NT5E: variants seen among roughly 807,000 people sequenced by gnomAD.
The protein encoded by NT5E is 5'-nucleotidase ecto.
A neutral mutation model predicts 55.1 loss-of-function variants in NT5E; 53 were observed. The observed-to-expected ratio is 0.96, with a 90% confidence interval of 0.77 to 1.21. The LOEUF (loss-of-function observed/expected upper bound fraction) is 1.21. Among genes scored for constraint, NT5E ranks in the 50% most tolerant of loss-of-function variants. The pLI, the probability that NT5E is intolerant of heterozygous loss-of-function variation, is 0.00. For synonymous variants in NT5E, 270 were observed against 278.4 expected (o/e 0.97, Z 0.30); for missense variants, 683 against 724.3 (o/e 0.94, Z 0.65).
At chr6:85,493,804 C>G in intron 8 of NT5E, 37 bp from the exon 9 acceptor site, 2 of 1,567,716 alleles carry the variant, frequency 1.3e-6, no homozygotes, top group Non-Finnish European at 1.8e-6. Flanking sequence ...TGATAATTAC[C>G]TTTTCTGTAG....
At chr6:85,487,726 G>C (rs1042970225) in intron 5 of NT5E, among the ~76,000 whole-genome samples, 2 of 152,232 alleles carry the variant, frequency 1.3e-5, no homozygotes, top group South Asian at 4.1e-4. Context: ...ACTCCAGCCT[G>C]GGCAAAAGAG....
chr6:85,451,833 A>C, intron 1 of NT5E, among the ~76,000 whole-genome samples: 1 of 152,212 alleles, frequency 6.6e-6, no homozygotes, highest in Middle Eastern at 3.2e-3. Flanking sequence ...ACAGGAAAAG[A>C]TGATAAGAGG....
At chr6:85,455,099 C>A (rs1236923795) in intron 1 of NT5E, among the ~76,000 whole-genome samples, 1 of 152,224 alleles carries the variant, frequency 6.6e-6, no homozygotes, top group East Asian at 1.9e-4. Context: ...CCATGGGCAG[C>A]CATGTGGTTT....
At chr6:85,481,775 T>C (rs116327455) in intron 3 of NT5E, among the ~76,000 whole-genome samples, 54 of 152,336 alleles carry the variant, frequency 3.5e-4, no homozygotes, top group African/African-American at 1.3e-3. Flanking sequence ...GGTTATGATA[T>C]TCATGTTAAA....
rs144851417 is a variant in NT5E at position 85,482,001 on chromosome 6, G to A, written c.752-3234G>A. Among the ~76,000 whole-genome samples, 246 of 152,228 alleles carry A rather than the reference G, an allele frequency of 1.6e-3. 3 individuals carry two copies. Among genetic ancestry groups the A allele is most frequent in the African/African-American group, 5.8e-3 (241 of 41,524 alleles). Reference sequence around the variant, plus strand: ...GTGTAGAGAAGTAGACAGATAAAAGGAGCATCCAAGGAGTGTACACTTCTA... The same window carrying A: ...GTGTAGAGAAGTAGACAGATAAAAGAAGCATCCAAGGAGTGTACACTTCTA... On this transcript the variant is annotated intron_variant, in intron 3 of 8. Transcript: ENST00000257770.
chr6:85,473,604 T>C (rs1769366945), intron 3 of NT5E, among the ~76,000 whole-genome samples: 1 of 152,206 alleles, frequency 6.6e-6, no homozygotes, highest in African/African-American at 2.4e-5. Flanking sequence ...TATATGTGTG[T>C]GTGCGTTCAC....
Position 85,490,588 on chromosome 6 carries a change from C to G in NT5E, c.1291C>G (p.Leu431Val). The change falls in exon 7 of 9, where the codon CTG becomes GTG. Residue 431 changes from leucine (L) to valine (V), a missense_variant. By Grantham distance (32) the Leu-to-Val change is conservative. Coordinates refer to ENST00000257770, the MANE Select transcript of NT5E (RefSeq NM_002526.4). ...CCTAGTCCAGTTAAAAGGTTCCACC[C>G]TGAAGAAGGCCTTTGAGCATAGCGT... is the stretch of plus-strand genomic sequence containing the variant. ...FDLVQLKGST[L>V]KKAFEHSVHR... 6.2e-7 allele frequency: 1 copy of G among 1,614,206 alleles called. No individual in the cohort carries two copies. The highest frequency in any genetic ancestry group is 1.3e-5 in the African/African-American group (1 of 75,054).
chr6:85,462,557 GTC>G (rs1214493676), intron 1 of NT5E, among the ~76,000 whole-genome samples: 1 of 152,128 alleles, frequency 6.6e-6, no homozygotes, highest in Non-Finnish European at 1.5e-5. Context: ...TTGCACACAT[GTC>G]TCTAACCATC....
chr6:85,463,928 A>G (rs1458695425), intron 1 of NT5E, among the ~76,000 whole-genome samples: 1 of 152,238 alleles, frequency 6.6e-6, no homozygotes, highest in African/African-American at 2.4e-5. Flanking sequence ...AAAGTTAGCT[A>G]TGTATAGAAG....
intron 1 of NT5E, among the ~76,000 whole-genome samples, chr6:85,459,278 G>A (rs914802806): frequency 4.6e-5 from 7 of 152,148 alleles, no homozygotes; most frequent in African/African-American, 1.4e-4. Flanking sequence ...TGTCTCTTTA[G>A]CTCTTCAATT....
chr6:85,491,057 C>T, intron 7 of NT5E: 1 of 531,958 alleles, frequency 1.9e-6, no homozygotes, highest in Non-Finnish European at 3.9e-6. Flanking sequence ...GCTGTCCAAT[C>T]TGTATTAACC....
chr6:85,489,514 C>A lies in NT5E; in HGVS notation c.1125C>A (p.His375Gln). The change falls in exon 6 of 9, where the codon CAC becomes CAA. Residue 375 changes from histidine to glutamine, a missense_variant. His to Gln is a conservative substitution (Grantham distance 24, BLOSUM62 0). Transcript: ENST00000257770. ...TGCAGATTAACAACAACCTGAGACA[C>A]ACGGATGAAATGTTCTGGAACCACG... ...CDAMINNNLR[H>Q]TDEMFWNHVS... 2 of 1,613,406 alleles carry A rather than the reference C, an allele frequency of 1.2e-6. No homozygotes were observed. Among genetic ancestry groups the A allele is most frequent in the Non-Finnish European group, 1.7e-6 (2 of 1,179,442 alleles).
chr6:85,467,651 G>A (rs35367106), intron 2 of NT5E, among the ~76,000 whole-genome samples: 6,224 of 152,164 alleles, frequency 0.041, 198 homozygotes, highest in South Asian at 0.17. Flanking sequence ...CAGAGCCAGA[G>A]TTTTACCTCA....
intron 3 of NT5E, among the ~76,000 whole-genome samples, chr6:85,478,448 A>G (rs1389351271): frequency 6.6e-6 from 1 of 152,110 alleles, no homozygotes; most frequent in Non-Finnish European, 1.5e-5. Flanking sequence ...TTGCTGCTTG[A>G]TGGTCTTCTG....
rs577983362 is a variant in NT5E at position 85,480,794 on chromosome 6, AAACT to A, written c.752-4439_752-4436del. ...TAAACAAACAAACAAACAAACAAAC[AAACT>A]ATTGATTTAAACCACTAATCAAATC... On this transcript the variant is annotated intron_variant, in intron 3 of 8. Coordinates refer to ENST00000257770, the MANE Select transcript of NT5E (RefSeq NM_002526.4). Among the ~76,000 whole-genome samples, 187 of 152,338 alleles carry A rather than the reference AAACT, an allele frequency of 1.2e-3. 1 individual carries two copies. Among genetic ancestry groups the A allele is most frequent in the Non-Finnish European group, 2.4e-3 (161 of 68,028 alleles).
intron 7 of NT5E, chr6:85,490,913 C>T (rs1769768221): frequency 1.8e-6 from 1 of 564,088 alleles, no homozygotes; most frequent in African/African-American, 1.9e-5. Flanking sequence ...TCAGATGGGC[C>T]CTCTAAGCAG....
At chr6:85,473,269 G>T (rs111263322) in intron 3 of NT5E, among the ~76,000 whole-genome samples, 2 of 152,174 alleles carry the variant, frequency 1.3e-5, no homozygotes, top group African/African-American at 2.4e-5. Flanking sequence ...ACCCTCATCT[G>T]TGGAATGAAG....
intron 8 of NT5E, among the ~76,000 whole-genome samples, chr6:85,493,285 T>C (rs182994323): frequency 6.6e-6 from 1 of 152,266 alleles, no homozygotes; most frequent in Admixed American, 6.5e-5. Context: ...TGAAAACCAC[T>C]GAAGAGAGAA....
intron 1 of NT5E, among the ~76,000 whole-genome samples, chr6:85,458,054 C>T (rs550934748): frequency 6.6e-6 from 1 of 152,292 alleles, no homozygotes; most frequent in African/African-American, 2.4e-5. Context: ...TTTCTTCTCC[C>T]ATAAAAACTT....
Sources: allele counts gnomAD v4.1 joint callset (sites outside exome capture counted in the v4.1 genomes callset), GRCh38; gene constraint gnomAD v4.1.1; transcripts MANE v1.5; gene names NCBI Gene and HGNC (gene_info 2026-07-23, HGNC 2026-07-21).